The following CCDC171 variants were observed in gnomAD, a reference collection of about 807,000 sequenced individuals.
The protein encoded by CCDC171 is coiled-coil domain-containing protein 171.
In CCDC171, 177 loss-of-function variants were observed where a neutral mutation model predicts 168.2. The observed-to-expected ratio is 1.05, with a 90% CI of 0.93 to 1.19. The LOEUF (loss-of-function observed/expected upper bound fraction) is 1.19, where lower values mean the gene tolerates loss of function less well. Among genes scored for constraint, CCDC171 ranks in the 50% most tolerant of loss-of-function variants. CCDC171 has a pLI of 0.00. For missense variants in CCDC171, 1,991 were observed against 1,539.0 expected (o/e 1.29, Z -4.91); for synonymous variants, 687 against 540.8 (o/e 1.27, Z -3.75).
chr9:15,700,501 T>A (rs2133867263), intron 11 of CCDC171, among the ~76,000 whole-genome samples: 1 of 152,308 alleles, frequency 6.6e-6, no homozygotes, highest in Non-Finnish European at 1.5e-5. Flanking sequence ...AGTGCAGCGG[T>A]GGGCTGAAGG....
At chr9:15,979,050 C>T (rs564710078) in intron 3 of CCDC171, among the ~76,000 whole-genome samples, 13 of 152,218 alleles carry the variant, frequency 8.5e-5, no homozygotes, top group African/African-American at 2.4e-4. Flanking sequence ...TTTGTTCATA[C>T]GGTACCGTGT....
intron 3 of CCDC171, among the ~76,000 whole-genome samples, chr9:15,987,868 GC>G (rs1431260344): frequency 6.7e-6 from 1 of 149,418 alleles, no homozygotes; most frequent in East Asian, 2.0e-4. Context: ...TATACACACG[GC>G]CTGAAAGGAA....
chr9:15,884,358 T>C (rs796065684), intron 24 of CCDC171, among the ~76,000 whole-genome samples: 5 of 152,322 alleles, frequency 3.3e-5, no homozygotes, highest in African/African-American at 1.2e-4. Flanking sequence ...ATATTTGCCA[T>C]ATAAACATCC....
chr9:15,898,770 T>C (rs1362727625), intron 24 of CCDC171, among the ~76,000 whole-genome samples: 1 of 152,178 alleles, frequency 6.6e-6, no homozygotes, highest in Non-Finnish European at 1.5e-5. Context: ...GTGTACGCTT[T>C]ATCCAGCTTT....
chr9:15,744,620 T>C lies in CCDC171; in HGVS notation c.2397T>C (p.Arg799=). ...MKKKTFKGLI[R]IFRKGVIAVL... ...AGAAAACATTCAAAGGATTGATACG[T>C]ATATTTCGGAAAGGTGTTATTGCTG... Residue 799 remains arginine, a synonymous_variant, in exon 17 of 26, where the codon CGT becomes CGC. Coordinates refer to ENST00000380701, the MANE Select transcript of CCDC171 (RefSeq NM_173550.4). 1 of 1,614,158 alleles carries C rather than the reference T, an allele frequency of 6.2e-7. No individual in the cohort carries two copies. Among genetic ancestry groups the C allele is most frequent in the East Asian group, 2.2e-5 (1 of 44,876 alleles).
At chr9:15,749,962 G>A (rs6474964) in intron 18 of CCDC171, among the ~76,000 whole-genome samples, 72,198 of 151,038 alleles carry the variant, frequency 0.48, 17,559 homozygotes, top group African/African-American at 0.53. Flanking sequence ...GACAAGAAAT[G>A]ACTATGATCA....
chr9:15,886,606 A>G (rs942927016), intron 24 of CCDC171: 1 of 152,136 alleles, frequency 6.6e-6, no homozygotes, highest in African/African-American at 2.4e-5. Context: ...CAGCAATCCT[A>G]CTTCTGGGTA....
intron 6 of CCDC171, among the ~76,000 whole-genome samples, chr9:16,034,923 A>G (rs1188978207): frequency 6.6e-6 from 1 of 152,208 alleles, no homozygotes; most frequent in African/African-American, 2.4e-5. Context: ...GCCAAACTTA[A>G]TAAATGCACA....
chr9:16,017,057 C>G (rs17353213), intron 3 of CCDC171, among the ~76,000 whole-genome samples: 47,963 of 151,930 alleles, frequency 0.32, 7,848 homozygotes, highest in Non-Finnish European at 0.37. Flanking sequence ...GAATGATGAA[C>G]TTGAGCAGTA....
At chr9:15,895,971 T>C (rs541968794) in intron 24 of CCDC171, among the ~76,000 whole-genome samples, 1 of 152,140 alleles carries the variant, frequency 6.6e-6, no homozygotes, top group Admixed American at 6.6e-5. Context: ...CTTTTATGGT[T>C]TTCATGTCCA....
the CCDC171 span, among the ~76,000 whole-genome samples, chr9:16,086,065 G>T: frequency 6.6e-6 from 1 of 152,186 alleles, no homozygotes; most frequent in Non-Finnish European, 1.5e-5. Context: ...CTCACCGGCT[G>T]TGAGTCCGTC....
chr9:15,924,356 G>A (rs1049357370), intron 25 of CCDC171, among the ~76,000 whole-genome samples: 2 of 150,864 alleles, frequency 1.3e-5, no homozygotes, highest in Non-Finnish European at 3.0e-5. Context: ...GTAAAATGGG[G>A]TTAATGATAT....
At chr9:15,628,245 G>A (rs1005766174) in intron 7 of CCDC171, among the ~76,000 whole-genome samples, 18 of 150,990 alleles carry the variant, frequency 1.2e-4, no homozygotes, top group South Asian at 4.2e-4. Flanking sequence ...CTCGGGAAGC[G>A]CAAGGGGTCA....
intron 18 of CCDC171, among the ~76,000 whole-genome samples, chr9:15,761,153 A>G (rs974751668): frequency 3.3e-5 from 5 of 152,210 alleles, no homozygotes; most frequent in Non-Finnish European, 7.3e-5. Flanking sequence ...ACATTTTGTC[A>G]CACATTTCCT....
At chr9:15,609,159 G>A (rs988737282) in intron 6 of CCDC171, among the ~76,000 whole-genome samples, 115 of 151,716 alleles carry the variant, frequency 7.6e-4, no homozygotes, top group African/African-American at 2.6e-3. Flanking sequence ...GAGTGCAGTG[G>A]TGTGATCTTG....
intron 18 of CCDC171, among the ~76,000 whole-genome samples, chr9:15,772,198 C>T (rs553271046): frequency 5.3e-5 from 8 of 152,260 alleles, no homozygotes; most frequent in African/African-American, 1.4e-4. Flanking sequence ...ATTAATAACA[C>T]GTTAAATTAT....
At chr9:15,740,352 G>C (rs182934306) in intron 16 of CCDC171, among the ~76,000 whole-genome samples, 1 of 150,636 alleles carries the variant, frequency 6.6e-6, no homozygotes, top group African/African-American at 2.4e-5. Flanking sequence ...TTTGTGCTTA[G>C]ATCTGTTTCT....
intron 20 of CCDC171, 29 bp from the exon 21 acceptor site, chr9:15,784,480 C>T: frequency 6.6e-7 from 1 of 1,506,730 alleles, no homozygotes; most frequent in Non-Finnish European, 9.2e-7. Flanking sequence ...AGCTTTATAA[C>T]TGATTCTCCC....
intron 2 of CCDC171, among the ~76,000 whole-genome samples, chr9:15,565,520 T>C (rs2039662213): frequency 6.6e-6 from 1 of 152,170 alleles, no homozygotes; most frequent in Non-Finnish European, 1.5e-5. Context: ...TTTTTATAAT[T>C]AGAGAATCTG....
Sources: gnomAD v4.1 joint callset for allele counts (sites outside exome capture counted in the v4.1 genomes callset) on GRCh38, gnomAD v4.1.1 for gene constraint, MANE v1.5 for transcripts, NCBI Gene and HGNC (gene_info 2026-07-23, HGNC 2026-07-21) for gene names.